ZNF469: variants seen among roughly 807,000 people sequenced by gnomAD.
ZNF469 encodes zinc finger protein 469.
ZNF469 carries 1 observed loss-of-function variant against 1.0 expected under a neutral mutation model. The ratio of observed to expected loss-of-function variants is 1.00; its 90% CI spans 0.35 to 4.73. The LOEUF is 4.73. Among genes scored for constraint, ZNF469 ranks in the 30% most tolerant of loss-of-function variants. ZNF469 has a pLI of 0.16. For missense variants in ZNF469, 6,100 were observed against 5,356.3 expected, an observed-to-expected ratio of 1.14 and a Z score of -4.33; for synonymous variants, 2,703 against 2,363.4, an observed-to-expected ratio of 1.14 and a Z score of -4.17.
the ZNF469 span, among the ~76,000 whole-genome samples, chr16:88,130,661 G>A: frequency 4.7e-4 from 70 of 148,560 alleles, no homozygotes; most frequent in African/African-American, 1.7e-3. Flanking sequence ...AGCCGAGATC[G>A]CGCCATTGCA....
the ZNF469 span, among the ~76,000 whole-genome samples, chr16:88,211,934 C>G: frequency 6.6e-6 from 1 of 152,176 alleles, no homozygotes; most frequent in Admixed American, 6.5e-5. Flanking sequence ...TTTCCATGCT[C>G]TCCAATTCCT....
At chr16:88,291,754 G>C in the ZNF469 span, among the ~76,000 whole-genome samples, 6 of 152,094 alleles carry the variant, frequency 3.9e-5, no homozygotes, top group Non-Finnish European at 5.9e-5. Context: ...AAATGGAGCC[G>C]CCATATTGGA....
At chr16:88,292,798 C>CAA in the ZNF469 span, among the ~76,000 whole-genome samples, 32,294 of 110,736 alleles carry the variant, frequency 0.29, 5,249 homozygotes, top group Non-Finnish European at 0.35. Context: ...CCTGTGTTAT[C>CAA]AAAAAAAAAA....
chr16:88,116,684 A>G, the ZNF469 span, among the ~76,000 whole-genome samples: 7 of 152,322 alleles, frequency 4.6e-5, no homozygotes, highest in South Asian at 1.5e-3. Context: ...AACTTGGACC[A>G]TCTCCAGAGA....
At chr16:88,184,365 G>A in the ZNF469 span, among the ~76,000 whole-genome samples, 601 of 152,212 alleles carry the variant, frequency 3.9e-3, 9 homozygotes, top group African/African-American at 0.014. Context: ...GGAGGGCGCC[G>A]TGATTAAACG....
the ZNF469 span, among the ~76,000 whole-genome samples, chr16:88,258,817 C>T: frequency 6.6e-6 from 1 of 152,210 alleles, no homozygotes; most frequent in African/African-American, 2.4e-5. Flanking sequence ...GCATCCCTCA[C>T]AGTAATCCTT....
At chr16:88,126,902 C>G in the ZNF469 span, among the ~76,000 whole-genome samples, 11,308 of 150,448 alleles carry the variant, frequency 0.075, 760 homozygotes, top group East Asian at 0.2. Flanking sequence ...TTACTGCAAC[C>G]TCTGTCCCCC....
At chr16:88,364,145 A>G in the ZNF469 span, among the ~76,000 whole-genome samples, 1 of 152,160 alleles carries the variant, frequency 6.6e-6, no homozygotes, top group Non-Finnish European at 1.5e-5. Context: ...TCCGAAATTG[A>G]GTTTTGAGTA....
In ZNF469 at chr16:88,383,768, G is replaced by C. The variant is rs566289936; in HGVS notation, c.-192+514G>C. On this transcript the variant is annotated intron_variant, in intron 1 of 2. Coordinates refer to ENST00000565624, the MANE Select transcript of ZNF469 (RefSeq NM_001367624.2). ...CTCCGAGCGCGGCATAGGCTTGCGA[G>C]TCGGCGGTGTCAGCGCCCCGGACGG... 2.8e-3 allele frequency among the ~76,000 whole-genome samples: 422 copies of C among 152,016 alleles called. 1 individual carries two copies. The highest frequency in any genetic ancestry group is 9.7e-3 in the African/African-American group (404 of 41,536).
chr16:88,334,353 G>A, the ZNF469 span, among the ~76,000 whole-genome samples: 1 of 152,186 alleles, frequency 6.6e-6, no homozygotes, highest in Non-Finnish European at 1.5e-5. Context: ...GACCAGAAGT[G>A]TTTTGGTTTT....
At chr16:88,170,012 G>T in the ZNF469 span, among the ~76,000 whole-genome samples, 1 of 152,194 alleles carries the variant, frequency 6.6e-6, no homozygotes, top group Non-Finnish European at 1.5e-5. This position sits in a 1 kb window ranked among gnomAD's most constrained non-coding sequence, Gnocchi z 4.2. Flanking sequence ...GGGGGGCATG[G>T]TGCAGAGAGC....
upstream of ZNF469, among the ~76,000 whole-genome samples, chr16:88,382,013 GTCTGAAGGACTAAT>G (rs958263985): frequency 6.6e-6 from 1 of 152,240 alleles, no homozygotes; most frequent in Non-Finnish European, 1.5e-5. Flanking sequence ...GGGGACCTTT[GTCTGAAGGACTAAT>G]TCTGAAAGCA....
chr16:88,188,433 G>A, the ZNF469 span, among the ~76,000 whole-genome samples: 1 of 152,216 alleles, frequency 6.6e-6, no homozygotes, highest in Non-Finnish European at 1.5e-5. Context: ...GGCTGTGCCT[G>A]GCCTAGTGGA....
the ZNF469 span, among the ~76,000 whole-genome samples, chr16:88,134,145 A>G: frequency 9.2e-5 from 14 of 151,644 alleles, no homozygotes; most frequent in Non-Finnish European, 1.6e-4. Context: ...TAGTGATCCC[A>G]GTACTTAGGT....
the ZNF469 span, among the ~76,000 whole-genome samples, chr16:88,183,704 T>C: frequency 1.3e-5 from 2 of 152,182 alleles, no homozygotes. Context: ...TACCAAGTCG[T>C]CGGCTGTGCA....
the ZNF469 span, among the ~76,000 whole-genome samples, chr16:88,271,964 G>T: frequency 6.6e-6 from 1 of 152,106 alleles, no homozygotes; most frequent in Non-Finnish European, 1.5e-5. Context: ...GGATAAATGG[G>T]TAGGTGAATG....
chr16:88,209,427 A>G, the ZNF469 span, among the ~76,000 whole-genome samples: 1 of 151,568 alleles, frequency 6.6e-6, no homozygotes, highest in African/African-American at 2.4e-5. Context: ...AGTAGCTGGG[A>G]CTACAGGTAC....
the ZNF469 span, among the ~76,000 whole-genome samples, chr16:88,249,567 G>C: frequency 6.6e-6 from 1 of 150,422 alleles, no homozygotes; most frequent in African/African-American, 2.5e-5. Context: ...CTCCAAAGTA[G>C]CTGGGACTAC....
chr16:88,397,628 G>A (rs80074470), intron 1 of ZNF469, among the ~76,000 whole-genome samples: 39 of 83,222 alleles, frequency 4.7e-4, no homozygotes, highest in African/African-American at 2.5e-3. Context: ...TGGGTGGATG[G>A]ATGGATGGAT....
Sources: allele counts gnomAD v4.1 joint callset (sites outside exome capture counted in the v4.1 genomes callset), GRCh38; gene constraint gnomAD v4.1.1; non-coding constraint Gnocchi (gnomAD v3.1); transcripts MANE v1.5; gene names NCBI Gene and HGNC (gene_info 2026-07-23, HGNC 2026-07-21).